Variants in SEC63 observed in about 807,000 individuals in gnomAD.
SEC63 encodes SEC63 protein translocation regulator.
In SEC63, 56 loss-of-function variants were observed where a neutral mutation model predicts 116.2. The ratio of observed to expected loss-of-function variants is 0.48; its 90% CI spans 0.39 to 0.60. SEC63 has a LOEUF of 0.60. Among genes scored for constraint, SEC63 ranks in the 20% least tolerant of loss-of-function variants. The pLI is 0.00. For synonymous variants in SEC63, 273 were observed against 294.6 expected (o/e 0.93, Z 0.75); for missense variants, 668 against 900.0 (o/e 0.74, Z 3.30).
intron 1 of SEC63, among the ~76,000 whole-genome samples, chr6:107,932,724 T>C (rs769308354): frequency 5.3e-5 from 8 of 152,132 alleles, no homozygotes; most frequent in Non-Finnish European, 1.2e-4. Flanking sequence ...AATACATATA[T>C]ACATACTCCC....
At position 107,951,040 on chromosome 6, in the gene SEC63, G is replaced by A. The variant is rs74620682; in HGVS notation, c.124+6846C>T. 5.1e-3 allele frequency among the ~76,000 whole-genome samples: 775 copies of A among 152,226 alleles called. 6 individuals carry two copies. The highest frequency in any genetic ancestry group is 0.018 in the African/African-American group (735 of 41,548). On this transcript the variant is annotated intron_variant, in intron 1 of 20. Transcript: ENST00000369002. Reference sequence around the variant, plus strand: ...TCAAAAAAGCAGTAAACAAAATTATGCACTTACAAATAATGGTTGGATTGA... The same window carrying A: ...TCAAAAAAGCAGTAAACAAAATTATACACTTACAAATAATGGTTGGATTGA...
intron 1 of SEC63, among the ~76,000 whole-genome samples, chr6:107,953,424 G>A (rs1277790312): frequency 9.3e-5 from 14 of 150,918 alleles, no homozygotes; most frequent in African/African-American, 3.2e-4. Context: ...CCGGCCAGCC[G>A]CCCCGTCCGG....
At chr6:107,917,912 C>G (rs1787449333) in intron 4 of SEC63, among the ~76,000 whole-genome samples, 1 of 152,178 alleles carries the variant, frequency 6.6e-6, no homozygotes. Flanking sequence ...GCTAAGATCA[C>G]AATGAAGGTG....
chr6:107,927,281 G>C (rs571005937), intron 2 of SEC63, among the ~76,000 whole-genome samples: 3 of 152,140 alleles, frequency 2.0e-5, no homozygotes, highest in Admixed American at 2.0e-4. Context: ...GGCCAGGCTG[G>C]TCTCCAACTC....
intron 11 of SEC63, 119 bp from the exon 12 acceptor site, chr6:107,903,117 T>C (rs1417085404): frequency 3.0e-6 from 3 of 1,008,644 alleles, no homozygotes; most frequent in African/African-American, 1.6e-5. Flanking sequence ...TTGAGGATCA[T>C]AGTAAGATTT....
intron 16 of SEC63, among the ~76,000 whole-genome samples, chr6:107,889,762 G>A (rs1193573858): frequency 1.3e-5 from 2 of 152,164 alleles, no homozygotes; most frequent in Non-Finnish European, 2.9e-5. Flanking sequence ...ATGTGTCCCG[G>A]AGATTCTGGT....
intron 6 of SEC63, among the ~76,000 whole-genome samples, chr6:107,912,235 T>A (rs989748298): frequency 1.3e-5 from 2 of 152,194 alleles, no homozygotes; most frequent in African/African-American, 4.8e-5. Flanking sequence ...AAGTCTGATA[T>A]CCTACCTCCT....
chr6:107,958,120 C>T lies in SEC63; in HGVS notation c.-111G>A. 6.6e-7 allele frequency: 1 copy of T among 1,517,786 alleles called. No individual in the cohort carries two copies. The allele number at this position is 1,517,786 out of a possible 1,614,324, so 94.0% of individuals were successfully genotyped here. ...GGCGTAGCTTGGACACTGCCGCCGC[C>T]GCCTCTCCTCCCCGCCCCCACGCCA... On this transcript the variant is annotated 5_prime_UTR_variant, in exon 1 of 21. Transcript: ENST00000369002.
chr6:107,911,551 G>C (rs546964531), intron 6 of SEC63, among the ~76,000 whole-genome samples, 155 bp from the exon 7 acceptor site: 9 of 152,204 alleles, frequency 5.9e-5, no homozygotes, highest in African/African-American at 2.2e-4. Context: ...CCAAGAGGAA[G>C]GTACCATTAT....
At chr6:107,879,961 G>GT (rs1332446359) in intron 18 of SEC63, among the ~76,000 whole-genome samples, 45 of 152,280 alleles carry the variant, frequency 3.0e-4, no homozygotes, top group Non-Finnish European at 1.5e-5. Context: ...AAATGAAACT[G>GT]TCTGTTACAT....
intron 3 of SEC63, among the ~76,000 whole-genome samples, chr6:107,922,110 T>C (rs1490974569): frequency 6.6e-6 from 1 of 152,224 alleles, no homozygotes; most frequent in African/African-American, 2.4e-5. Context: ...TATTGTCCAA[T>C]ATATGTATTT....
Position 107,958,084 on chromosome 6 carries a change from C to T in SEC63, c.-75G>A. 6.3e-7 allele frequency: 1 copy of T among 1,595,344 alleles called. No homozygotes were observed. The highest frequency in any genetic ancestry group is 8.6e-7 in the Non-Finnish European group (1 of 1,168,658). ...GCTCTGCACTCCCGCTCCCAACGCC[C>T]CGGCCCGAGTGGCGTAGCTTGGACA... is the stretch of plus-strand genomic sequence containing the variant. On this transcript the variant is annotated 5_prime_UTR_variant, in exon 1 of 21. Coordinates refer to ENST00000369002, the MANE Select transcript of SEC63 (RefSeq NM_007214.5).
At position 107,904,796 on chromosome 6, in the gene SEC63, AAC is replaced by A. The variant is rs1787106601; in HGVS notation, c.962-77_962-76del. 3 of 1,055,996 alleles carry A rather than the reference AAC, an allele frequency of 2.8e-6. No homozygotes were observed. The Admixed American group carries it at 5.1e-5, about 18-fold the overall frequency. 65.4% of individuals were successfully genotyped at this position (1,055,996 alleles called of 1,614,324 possible). On this transcript the variant is annotated intron_variant, in intron 10 of 20. Coordinates refer to ENST00000369002, the MANE Select transcript of SEC63 (RefSeq NM_007214.5). ...AAGCATCTTTATCACTGTGGCCCAAAACTAATATTAAAGTTATGCCACAAATA... is the reference window on the plus strand; with the variant it reads ...AAGCATCTTTATCACTGTGGCCCAAATAATATTAAAGTTATGCCACAAATA...
At chr6:107,914,741 A>G (rs1787360859) in intron 4 of SEC63, among the ~76,000 whole-genome samples, 1 of 152,146 alleles carries the variant, frequency 6.6e-6, no homozygotes, top group East Asian at 1.9e-4. Flanking sequence ...TCAGAGTTTT[A>G]GCTTGTTTCT....
intron 19 of SEC63, among the ~76,000 whole-genome samples, chr6:107,874,574 C>T (rs528665407): frequency 9.9e-5 from 13 of 131,466 alleles, no homozygotes; most frequent in East Asian, 2.2e-4. Flanking sequence ...CCAGCCTGGG[C>T]GACACAGTGA....
intron 4 of SEC63, among the ~76,000 whole-genome samples, chr6:107,920,870 T>A (rs1267833221): frequency 6.6e-6 from 1 of 152,210 alleles, no homozygotes; most frequent in African/African-American, 2.4e-5. Flanking sequence ...CACAGACATA[T>A]GTGTGTGCAT....
At chr6:107,936,718 A>G (rs1770254207) in intron 1 of SEC63, among the ~76,000 whole-genome samples, 1 of 152,208 alleles carries the variant, frequency 6.6e-6, no homozygotes, top group African/African-American at 2.4e-5. Context: ...GCCTTTGCTA[A>G]AACAGTCACT....
At chr6:107,908,651 A>T (rs918391892) in intron 8 of SEC63, among the ~76,000 whole-genome samples, 2 of 152,224 alleles carry the variant, frequency 1.3e-5, no homozygotes, top group South Asian at 2.1e-4. Context: ...GCATACAACA[A>T]ATAATAAATG....
rs777154867 is a variant in SEC63 at position 107,883,006 on chromosome 6, T to G, written c.1815A>C (p.Gln605His). 6.2e-6 allele frequency: 10 copies of G among 1,606,514 alleles called. No homozygotes were observed. The highest frequency in any genetic ancestry group is 8.5e-6 in the Non-Finnish European group (10 of 1,174,652). Residue 605 changes from glutamine (Q) to histidine (H), a missense_variant, in exon 17 of 21, where the codon CAA (glutamine) becomes CAC (histidine). Physicochemically the swap from Gln to His is conservative, Grantham distance 24 (BLOSUM62 0). Coordinates refer to ENST00000369002, the MANE Select transcript of SEC63 (RefSeq NM_007214.5). Reference sequence around the variant, plus strand: ...GGCTTACTGCTTCATCATCTTTGTTTTGTTTTTCATCTTGCTCTCTATCAG... The same window carrying G: ...GGCTTACTGCTTCATCATCTTTGTTGTGTTTTTCATCTTGCTCTCTATCAG... ...RDSDREQDEKQNKDDEAEWQE... is the reference protein window; with the variant it reads ...RDSDREQDEKHNKDDEAEWQE...
Sources: allele counts gnomAD v4.1 joint callset (sites outside exome capture counted in the v4.1 genomes callset), GRCh38; gene constraint gnomAD v4.1.1; transcripts MANE v1.5; gene names NCBI Gene and HGNC (gene_info 2026-07-23, HGNC 2026-07-21).